The following XKR9 variants were observed in gnomAD, a reference collection of about 807,000 sequenced individuals.
XKR9 encodes the protein XK-related protein 9.
In XKR9, 32 loss-of-function variants were observed where a neutral mutation model predicts 32.0. The observed-to-expected ratio is 1.00, with a 90% CI of 0.76 to 1.34. XKR9 has a LOEUF of 1.34. Ranked by LOEUF, XKR9 falls within the 40% of genes most tolerant of loss-of-function variation. The pLI is 0.00. For synonymous variants in XKR9, 168 were observed against 143.4 expected (o/e 1.17, Z -1.22); for missense variants, 546 against 429.7 (o/e 1.27, Z -2.39).
chr8:70,818,769 A>G, the XKR9 span, among the ~76,000 whole-genome samples: 1 of 152,186 alleles, frequency 6.6e-6, no homozygotes, highest in African/African-American at 2.4e-5. Flanking sequence ...CCATTTTTAC[A>G]TACCTCTGCT....
chr8:70,733,121 A>AAAT (rs1353203238), intron 4 of XKR9, among the ~76,000 whole-genome samples: 1 of 152,188 alleles, frequency 6.6e-6, no homozygotes, highest in East Asian at 1.9e-4. Context: ...AGAAGGAAAG[A>AAAT]AATAAAGAGA....
chr8:70,812,408 T>G, the XKR9 span, among the ~76,000 whole-genome samples: 1 of 152,118 alleles, frequency 6.6e-6, no homozygotes, highest in Non-Finnish European at 1.5e-5. Context: ...CTCTCACCAC[T>G]CCTATTCAAC....
At chr8:70,997,798 A>G in the XKR9 span, among the ~76,000 whole-genome samples, 5 of 152,244 alleles carry the variant, frequency 3.3e-5, no homozygotes, top group African/African-American at 9.6e-5. Context: ...GTCTTTTACT[A>G]TAGGGGCCTC....
intron 4 of XKR9, among the ~76,000 whole-genome samples, chr8:70,726,948 C>T (rs576784724): frequency 1.3e-5 from 2 of 152,222 alleles, no homozygotes; most frequent in East Asian, 1.9e-4. Flanking sequence ...ATCCACCTTA[C>T]AGTCCTGATT....
chr8:70,717,941 G>C (rs988692212), intron 4 of XKR9, among the ~76,000 whole-genome samples: 9 of 152,102 alleles, frequency 5.9e-5, no homozygotes, highest in South Asian at 2.1e-4. Flanking sequence ...CAGATCTCTA[G>C]GACAGGGGCA....
At chr8:70,669,775 T>G (rs1429403670) in intron 1 of XKR9, among the ~76,000 whole-genome samples, 2 of 149,284 alleles carry the variant, frequency 1.3e-5, no homozygotes, top group Non-Finnish European at 3.0e-5. Context: ...CACGCCATCC[T>G]CCTGCCTCGG....
the XKR9 span, among the ~76,000 whole-genome samples, chr8:70,996,368 T>C: frequency 6.6e-6 from 1 of 152,220 alleles, no homozygotes; most frequent in Non-Finnish European, 1.5e-5. Flanking sequence ...CTTGTGGCAA[T>C]TGATAGATTT....
chr8:70,764,081 C>T (rs1807342852), intron 2 of XKR9, among the ~76,000 whole-genome samples: 1 of 152,192 alleles, frequency 6.6e-6, no homozygotes, highest in South Asian at 2.1e-4. Flanking sequence ...GCTCTCCTTG[C>T]TTCCCATTAT....
At chr8:70,957,370 T>C in the XKR9 span, among the ~76,000 whole-genome samples, 1 of 152,200 alleles carries the variant, frequency 6.6e-6, no homozygotes, top group Non-Finnish European at 1.5e-5. Flanking sequence ...TTAATCTTTT[T>C]TTTAATTTCC....
intron 4 of XKR9, 85 bp downstream of exon 4, chr8:70,707,238 T>A: frequency 1.0e-6 from 1 of 964,354 alleles, no homozygotes. Context: ...ACTTTAGAAA[T>A]TTTTAATACT....
At chr8:70,841,338 A>G in the XKR9 span, among the ~76,000 whole-genome samples, 1 of 152,226 alleles carries the variant, frequency 6.6e-6, no homozygotes, top group African/African-American at 2.4e-5. Flanking sequence ...TTTCTGTTTA[A>G]TGTACAAATC....
At chr8:70,775,050 A>T (rs1024083018) in intron 2 of XKR9, among the ~76,000 whole-genome samples, 5 of 152,108 alleles carry the variant, frequency 3.3e-5, no homozygotes, top group African/African-American at 9.6e-5. Context: ...TACATATTTT[A>T]TTAAATTTAT....
At chr8:70,776,359 A>G (rs973316861) in intron 2 of XKR9, among the ~76,000 whole-genome samples, 1 of 152,308 alleles carries the variant, frequency 6.6e-6, no homozygotes, top group African/African-American at 2.4e-5. Context: ...AAAAATTTAA[A>G]TAATAGTACC....
At chr8:70,723,446 C>G (rs1806350431) in intron 4 of XKR9, among the ~76,000 whole-genome samples, 1 of 152,182 alleles carries the variant, frequency 6.6e-6, no homozygotes, top group Non-Finnish European at 1.5e-5. Context: ...GTGGATTTAT[C>G]TACCTTTGCT....
intron 3 of XKR9, among the ~76,000 whole-genome samples, chr8:70,701,493 C>A (rs865951338): frequency 1.3e-5 from 2 of 152,180 alleles, no homozygotes; most frequent in African/African-American, 4.8e-5. Context: ...TGCTTCTAGT[C>A]AGCCATCTTG....
chr8:70,939,899 A>G, the XKR9 span, among the ~76,000 whole-genome samples: 1 of 152,148 alleles, frequency 6.6e-6, no homozygotes, highest in African/African-American at 2.4e-5. Context: ...ATGTGTATAT[A>G]TTAATTTGTT....
chr8:70,793,293 T>C (rs1807787797), downstream of XKR9, among the ~76,000 whole-genome samples: 1 of 151,964 alleles, frequency 6.6e-6, no homozygotes, highest in South Asian at 2.1e-4. Flanking sequence ...AGAGGTGAGG[T>C]CATTAAGAAG....
chr8:70,996,060 T>C, the XKR9 span, among the ~76,000 whole-genome samples: 1 of 152,192 alleles, frequency 6.6e-6, no homozygotes, highest in African/African-American at 2.4e-5. Flanking sequence ...CAAAATACTT[T>C]TCTCTCTATC....
chr8:70,819,997 T>C, the XKR9 span, among the ~76,000 whole-genome samples: 99 of 152,332 alleles, frequency 6.5e-4, no homozygotes, highest in African/African-American at 2.3e-3. Context: ...TACAAACTTA[T>C]GATGGAAAGC....
Sources: allele counts gnomAD v4.1 joint callset (sites outside exome capture counted in the v4.1 genomes callset), GRCh38; gene constraint gnomAD v4.1.1; transcripts MANE v1.5; gene names NCBI Gene and HGNC (gene_info 2026-07-23, HGNC 2026-07-21).